Variants in ANK3 observed in about 807,000 individuals in gnomAD.
ANK3 encodes the protein ankyrin 3.
ANK3 carries 57 observed loss-of-function variants against 370.9 expected under a neutral mutation model. The observed-to-expected ratio is 0.15, with a 90% CI of 0.12 to 0.19. The LOEUF (loss-of-function observed/expected upper bound fraction) is 0.19, where lower values mean the gene tolerates loss of function less well. ANK3 is among the 10% of genes least tolerant of loss of function. The pLI is 1.00. For synonymous variants in ANK3, 1,929 were observed against 1,946.3 expected (o/e 0.99, Z 0.23); for missense variants, 4,439 against 5,302.1 (o/e 0.84, Z 5.06).
intron 1 of ANK3, among the ~76,000 whole-genome samples, chr10:60,360,163 C>T (rs1430685210): frequency 6.6e-6 from 1 of 152,126 alleles, no homozygotes; most frequent in Non-Finnish European, 1.5e-5. Flanking sequence ...ACATGCGTGC[C>T]TATATGTGTG....
At chr10:60,548,093 G>A (rs572919609) in intron 2 of ANK3, among the ~76,000 whole-genome samples, 8 of 151,340 alleles carry the variant, frequency 5.3e-5, no homozygotes, top group African/African-American at 1.7e-4. Context: ...ATTTGAAAAC[G>A]TTCACAGAGA....
chr10:60,372,972 A>T (rs1481806556), intron 1 of ANK3, among the ~76,000 whole-genome samples: 1 of 152,244 alleles, frequency 6.6e-6, no homozygotes, highest in African/African-American at 2.4e-5. Flanking sequence ...ATAAAAATAG[A>T]GGCATGATCA....
At chr10:60,084,875 A>AT in intron 31 of ANK3, 45 bp from the exon 32 acceptor site, 2 of 1,378,684 alleles carry the variant, frequency 1.5e-6, no homozygotes, top group Non-Finnish European at 2.0e-6. Flanking sequence ...GGCTATTTAA[A>AT]AGCCAAATCT....
At chr10:60,685,052 A>G in intron 1 of ANK3, 2 of 1,409,040 alleles carry the variant, frequency 1.4e-6, no homozygotes, top group Non-Finnish European at 2.0e-6. Flanking sequence ...GAGAAACTGC[A>G]TGATATGATC....
At chr10:60,727,538 TGA>T (rs1323042378) in intron 1 of ANK3, among the ~76,000 whole-genome samples, 2 of 152,164 alleles carry the variant, frequency 1.3e-5, no homozygotes, top group African/African-American at 4.8e-5. Flanking sequence ...TTAAATGTAG[TGA>T]GTTTTATTGT....
At chr10:60,612,165 C>T (rs1411640121) in intron 2 of ANK3, among the ~76,000 whole-genome samples, 2 of 152,038 alleles carry the variant, frequency 1.3e-5, no homozygotes, top group African/African-American at 4.8e-5. Flanking sequence ...GAGGGTTGGA[C>T]CATTAAGTGA....
At chr10:60,082,529 T>C in intron 34 of ANK3, 86 bp downstream of exon 34, 4 of 1,511,590 alleles carry the variant, frequency 2.6e-6, no homozygotes, top group Non-Finnish European at 3.6e-6. Context: ...GCTTTATTCA[T>C]GTTACAAAGC....
chr10:60,512,554 G>T (rs1161812803), intron 2 of ANK3, among the ~76,000 whole-genome samples: 2 of 152,144 alleles, frequency 1.3e-5, no homozygotes, highest in African/African-American at 4.8e-5. Context: ...ATTATTCACT[G>T]CAGTGCAAGG....
chr10:60,581,424 T>C (rs1431281772), intron 2 of ANK3, among the ~76,000 whole-genome samples: 7 of 19,156 alleles, frequency 3.7e-4, no homozygotes, highest in Non-Finnish European at 6.7e-4. Context: ...TGCCCTTTTT[T>C]TTTTTTTTTT....
At chr10:60,293,034 AC>A (rs2041790144) in intron 1 of ANK3, among the ~76,000 whole-genome samples, 1 of 151,290 alleles carries the variant, frequency 6.6e-6, no homozygotes, top group Non-Finnish European at 1.5e-5. Context: ...TCTATCAGTC[AC>A]CCCCTCCTCT....
chr10:60,135,802 A>G (rs1013723666), intron 24 of ANK3, among the ~76,000 whole-genome samples: 14 of 152,188 alleles, frequency 9.2e-5, no homozygotes, highest in African/African-American at 3.4e-4. Flanking sequence ...CCTTTTATCA[A>G]GGTACAGAGC....
chr10:60,709,258 G>GA (rs2079664932), intron 1 of ANK3, among the ~76,000 whole-genome samples: 1 of 151,762 alleles, frequency 6.6e-6, no homozygotes, highest in Admixed American at 6.6e-5. Flanking sequence ...CTTCTCCAGA[G>GA]AAACAGAACC....
chr10:60,670,541 T>C (rs2079052822), intron 1 of ANK3, among the ~76,000 whole-genome samples: 1 of 152,082 alleles, frequency 6.6e-6, no homozygotes, highest in Admixed American at 6.5e-5. Context: ...CTCACTGGCC[T>C]CCCTGCTTCC....
chr10:60,371,750 T>C (rs1343510553), intron 1 of ANK3, among the ~76,000 whole-genome samples: 1 of 152,214 alleles, frequency 6.6e-6, no homozygotes, highest in African/African-American at 2.4e-5. Flanking sequence ...CAGCCTTTCA[T>C]AAATTTTAAC....
At chr10:60,059,817 G>A in intron 40 of ANK3, 9 of 1,614,222 alleles carry the variant, frequency 5.6e-6, no homozygotes, top group Non-Finnish European at 7.6e-6. Flanking sequence ...AGTTACGACT[G>A]GAGGTCCATC....
intron 2 of ANK3, among the ~76,000 whole-genome samples, chr10:60,565,886 AT>A (rs2077448363): frequency 6.6e-6 from 1 of 152,198 alleles, no homozygotes; most frequent in South Asian, 2.1e-4. Context: ...TTCTACACAG[AT>A]TGGTTTAACA....
At chr10:60,111,840 A>G (rs4369346) in intron 26 of ANK3, 158,643 of 438,176 alleles carry the variant, frequency 0.36, 29,449 homozygotes, top group Admixed American at 0.4. Context: ...GAAAATGTCA[A>G]TGACAAGCAA....
At position 60,072,769 on chromosome 10, in the gene ANK3, G is replaced by A. The variant is rs140783155; in HGVS notation, c.8112C>T (p.Pro2704=). The A allele has an allele frequency of 6.8e-5, 110 of 1,613,988 alleles. No homozygotes were observed. The African/African-American group carries it at 1.3e-3, about 19-fold the overall frequency. ...ATTGTTTGAGCTGGAATCCAGACTG[G>A]GGCCCATCTGGTGCTTTGCTCTGTG... ...SISQSKAPDG[P]QSGFQLKQSK... is the part of the protein sequence containing the mutation. The change falls in exon 37 of 44, where the codon CCC becomes CCT. Residue 2704 remains proline, a synonymous_variant. Coordinates refer to ENST00000280772, the MANE Select transcript of ANK3 (RefSeq NM_020987.5).
intron 1 of ANK3, chr10:60,615,275 A>G (rs1837947): frequency 0.19 from 250,612 of 1,336,564 alleles, 26,076 homozygotes; most frequent in South Asian, 0.29. Flanking sequence ...AATTCCATAT[A>G]TTTACCATGA....
Sources: allele counts gnomAD v4.1 joint callset (sites outside exome capture counted in the v4.1 genomes callset), GRCh38; gene constraint gnomAD v4.1.1; transcripts MANE v1.5; gene names NCBI Gene and HGNC (gene_info 2026-07-23, HGNC 2026-07-21).